The following MED13L variants were observed in gnomAD, a reference collection of about 807,000 sequenced individuals.
MED13L encodes the protein mediator of RNA polymerase II transcription subunit 13-like.
MED13L carries 7 observed loss-of-function variants against 220.9 expected under a neutral mutation model. The observed-to-expected ratio is 0.03, with a 90% confidence interval of 0.02 to 0.06. MED13L has a LOEUF of 0.06. Ranked by LOEUF, MED13L falls within the 10% of genes least tolerant of loss-of-function variation. The probability of loss-of-function intolerance (pLI) is 1.00; values close to 1 mark genes in which losing one functional copy is unlikely to be tolerated. For missense variants in MED13L, 1,965 were observed against 2,760.5 expected (o/e 0.71, Z 6.46); for synonymous variants, 1,011 against 1,015.2 (o/e 1.00, Z 0.08).
chr12:116,254,255 A>G (rs1871840110), intron 1 of MED13L, among the ~76,000 whole-genome samples: 1 of 152,196 alleles, frequency 6.6e-6, no homozygotes, highest in East Asian at 1.9e-4. Context: ...AAGCAAGAAA[A>G]AGTAGTAAAA....
intron 2 of MED13L, among the ~76,000 whole-genome samples, chr12:116,177,256 T>TC (rs1441651071): frequency 1.3e-5 from 2 of 152,148 alleles, no homozygotes; most frequent in Non-Finnish European, 2.9e-5. Flanking sequence ...GTATACATGA[T>TC]CCTGACTTCT....
chr12:115,992,036 T>C lies in MED13L; in HGVS notation c.2997-79A>G, dbSNP rs1878096820. On this transcript the variant is annotated intron_variant, in intron 16 of 30. Coordinates refer to ENST00000281928, the MANE Select transcript of MED13L (RefSeq NM_015335.5). ...ACTAGACACATGATCACCCCAGCCATGTACTGTGTATTTCTTATCATTTGT... is the reference window on the plus strand; with the variant it reads ...ACTAGACACATGATCACCCCAGCCACGTACTGTGTATTTCTTATCATTTGT... 33 of 1,209,390 alleles carry C rather than the reference T, an allele frequency of 2.7e-5. No individual in the cohort carries two copies. The South Asian group carries it at 3.8e-4, about 14-fold the overall frequency. The allele number at this position is 1,209,390 out of a possible 1,614,324, so 74.9% of individuals were successfully genotyped here. A position where few individuals can be genotyped will look rare whatever the true frequency, so the allele number is the denominator to read the frequency against.
intron 1 of MED13L, among the ~76,000 whole-genome samples, chr12:116,258,934 G>A (rs995119917): frequency 1.1e-4 from 10 of 92,158 alleles, no homozygotes; most frequent in African/African-American, 4.2e-4. Context: ...TTTTTTTTTT[G>A]TAGAGGCAGA....
intron 18 of MED13L, 74 bp from the exon 19 acceptor site, chr12:115,986,563 G>A (rs1447412465): frequency 7.4e-7 from 1 of 1,352,830 alleles, no homozygotes; most frequent in African/African-American, 1.4e-5. Flanking sequence ...AATTCCTGGT[G>A]CACTGGTCTT....
intron 4 of MED13L, among the ~76,000 whole-genome samples, chr12:116,074,332 T>C (rs1316653380): frequency 1.3e-5 from 2 of 152,140 alleles, no homozygotes; most frequent in African/African-American, 4.8e-5. Context: ...GAAGCAGAGG[T>C]TGCAGTAAGC....
intron 12 of MED13L, 72 bp downstream of exon 12, chr12:116,006,234 A>G: frequency 7.2e-7 from 1 of 1,398,340 alleles, no homozygotes. Context: ...ATAAAATTTT[A>G]CATTGAGAAG....
At chr12:116,019,110 A>T in intron 7 of MED13L, 114 bp downstream of exon 7, 1 of 1,012,566 alleles carries the variant, frequency 9.9e-7, no homozygotes, top group Non-Finnish European at 1.4e-6. Flanking sequence ...ACGTTACTCT[A>T]CTACCTCCAT....
intron 14 of MED13L, among the ~76,000 whole-genome samples, chr12:115,998,161 A>G (rs1878522536): frequency 6.6e-6 from 1 of 152,224 alleles, no homozygotes; most frequent in Admixed American, 6.5e-5. Context: ...ACCTGTAGTA[A>G]AAAATTATCA....
Position 115,983,421 on chromosome 12 carries a change from T to C in MED13L, c.4651A>G (p.Asn1551Asp), listed in dbSNP as rs1424582927. 3 of 1,614,216 alleles carry C rather than the reference T, an allele frequency of 1.9e-6. No homozygotes were observed. Among genetic ancestry groups the C allele is most frequent in the Admixed American group, 1.7e-5 (1 of 60,030 alleles). Residue 1551 changes from asparagine to aspartate, a missense_variant, in exon 21 of 31, where the codon AAT becomes GAT. Coordinates refer to ENST00000281928, the MANE Select transcript of MED13L (RefSeq NM_015335.5). ...CCAGCTGGGGGAGCTGCTGATCCAT[T>C]TGGAGCTAAGGGCCCAGCATTCCCT... ...TPGNAGPLAP[N>D]GSAAPPAGSA...
At chr12:116,270,734 G>A (rs1873231123) in intron 1 of MED13L, among the ~76,000 whole-genome samples, 1 of 151,972 alleles carries the variant, frequency 6.6e-6, no homozygotes, top group African/African-American at 2.4e-5. Context: ...AACAATGAAA[G>A]TATATATACT....
At chr12:116,124,109 G>T (rs1228454630) in intron 2 of MED13L, among the ~76,000 whole-genome samples, 3 of 142,208 alleles carry the variant, frequency 2.1e-5, no homozygotes, top group Admixed American at 1.4e-4. Context: ...CATCTGCAGA[G>T]AGAGAGAGAA....
intron 4 of MED13L, among the ~76,000 whole-genome samples, chr12:116,040,795 CAAA>C (rs59484926): frequency 3.2e-5 from 3 of 92,500 alleles, no homozygotes; most frequent in African/African-American, 4.1e-5. Context: ...TAGGAGTCCT[CAAA>C]AAAAAAAAAA....
intron 2 of MED13L, among the ~76,000 whole-genome samples, chr12:116,131,382 C>A (rs1245846838): frequency 1.3e-5 from 2 of 152,196 alleles, no homozygotes; most frequent in Non-Finnish European, 2.9e-5. Flanking sequence ...GGTTGCACAG[C>A]AAATTGGAAA....
chr12:116,007,086 G>T lies in MED13L; in HGVS notation c.2238+325C>A. The T allele has an allele frequency of 1.1e-5, 4 of 358,822 alleles. No individual in the cohort carries two copies. In the South Asian group the frequency reaches 1.1e-4, roughly 10 times the overall value. The allele number at this position is 358,822 out of a possible 1,614,324, so 22.2% of individuals were successfully genotyped here. On this transcript the variant is annotated intron_variant, in intron 11 of 30. Coordinates refer to ENST00000281928, the MANE Select transcript of MED13L (RefSeq NM_015335.5). ...AAACATTTTTTCCTTTACATTTTGG[G>T]TAGTTCGGAATAATATTTTAAAAGA... is the stretch of plus-strand genomic sequence containing the variant.
chr12:116,263,359 T>A (rs1452365169), intron 1 of MED13L, among the ~76,000 whole-genome samples: 1 of 152,156 alleles, frequency 6.6e-6, no homozygotes, highest in Non-Finnish European at 1.5e-5. Flanking sequence ...AAAAATCTCA[T>A]TATATTTCTG....
intron 1 of MED13L, chr12:116,276,624 C>T (rs1433078046): frequency 8.4e-7 from 1 of 1,193,058 alleles, no homozygotes; most frequent in East Asian, 5.9e-5. Flanking sequence ...AAAAGGCAGG[C>T]GGGCGGGCAG....
chr12:116,209,177 G>A (rs1040230682), intron 2 of MED13L, among the ~76,000 whole-genome samples: 13 of 152,094 alleles, frequency 8.5e-5, no homozygotes, highest in East Asian at 7.7e-4. Context: ...AGGCATGCTC[G>A]GAGCCTAATG....
chr12:116,113,198 A>T (rs1189170169), intron 2 of MED13L, among the ~76,000 whole-genome samples: 2 of 152,198 alleles, frequency 1.3e-5, no homozygotes, highest in Non-Finnish European at 1.5e-5. Flanking sequence ...ATCTTCCTAC[A>T]TAATCATCCT....
At chr12:116,028,496 T>C (rs1042909064) in intron 4 of MED13L, among the ~76,000 whole-genome samples, 2 of 152,162 alleles carry the variant, frequency 1.3e-5, no homozygotes, top group African/African-American at 2.4e-5. Flanking sequence ...CAGAGCACAG[T>C]TGGAATAAAA....
Sources: gnomAD v4.1 joint callset for allele counts (sites outside exome capture counted in the v4.1 genomes callset) on GRCh38, gnomAD v4.1.1 for gene constraint, MANE v1.5 for transcripts, NCBI Gene and HGNC (gene_info 2026-07-23, HGNC 2026-07-21) for gene names.